The following RASGRP1 variants were observed in gnomAD, a reference collection of about 807,000 sequenced individuals.
The protein encoded by RASGRP1 is RAS guanyl releasing protein 1.
In RASGRP1, 37 loss-of-function variants were observed where a neutral mutation model predicts 95.1. The observed-to-expected ratio is 0.39, with a 90% CI of 0.30 to 0.51. RASGRP1 has a LOEUF of 0.51. Ranked by LOEUF, RASGRP1 falls within the 20% of genes least tolerant of loss-of-function variation. RASGRP1 has a pLI of 0.80. For synonymous variants in RASGRP1, 325 were observed against 353.4 expected, an observed-to-expected ratio of 0.92 and a Z score of 0.90; for missense variants, 711 against 965.4, an observed-to-expected ratio of 0.74 and a Z score of 3.49.
At chr15:38,492,390 G>T (rs758097748) in intron 16 of RASGRP1, among the ~76,000 whole-genome samples, 3 of 152,114 alleles carry the variant, frequency 2.0e-5, no homozygotes, top group Non-Finnish European at 4.4e-5. Flanking sequence ...GTTTCTGGGG[G>T]TCTGACAGGG....
intron 16 of RASGRP1, among the ~76,000 whole-genome samples, chr15:38,491,244 T>C (rs548174906): frequency 8.5e-5 from 13 of 152,344 alleles, no homozygotes; most frequent in African/African-American, 2.6e-4. Context: ...TCCAGTGTTC[T>C]TATGTTATCC....
chr15:38,536,014 C>T (rs937070701), intron 2 of RASGRP1, among the ~76,000 whole-genome samples: 2 of 152,190 alleles, frequency 1.3e-5, no homozygotes, highest in Non-Finnish European at 2.9e-5. Flanking sequence ...CCCGAGCAGA[C>T]CCAGTGAGCT....
intron 11 of RASGRP1, among the ~76,000 whole-genome samples, chr15:38,502,702 T>C (rs148199583): frequency 1.3e-5 from 2 of 152,282 alleles, no homozygotes; most frequent in African/African-American, 4.8e-5. Flanking sequence ...CAGAGGGATG[T>C]TCTCCTTTCA....
At chr15:38,531,337 G>T (rs1444286951) in intron 2 of RASGRP1, among the ~76,000 whole-genome samples, 3 of 152,166 alleles carry the variant, frequency 2.0e-5, no homozygotes, top group African/African-American at 7.2e-5. Flanking sequence ...CATTCGTCAG[G>T]ATAAGGAATT....
intron 11 of RASGRP1, chr15:38,502,791 T>C: frequency 4.1e-6 from 1 of 246,472 alleles, no homozygotes; most frequent in Non-Finnish European, 7.9e-6. Flanking sequence ...TTGGAAGTGC[T>C]CTGTCCCCAC....
intron 15 of RASGRP1, among the ~76,000 whole-genome samples, chr15:38,498,565 A>C (rs936273780): frequency 9.3e-5 from 14 of 150,602 alleles, no homozygotes; most frequent in Admixed American, 2.6e-4. Context: ...GGTGCTCAAT[A>C]AGTACCTGCT....
chr15:38,503,524 G>T (rs1566912560), intron 10 of RASGRP1, 148 bp from the exon 11 acceptor site: 4 of 684,596 alleles, frequency 5.8e-6, no homozygotes, highest in Non-Finnish European at 2.5e-6. Context: ...ACAGGCAATT[G>T]AAATCTCTAC....
At chr15:38,549,416 A>C (rs1327866431) in intron 2 of RASGRP1, among the ~76,000 whole-genome samples, 1 of 152,214 alleles carries the variant, frequency 6.6e-6, no homozygotes, top group Non-Finnish European at 1.5e-5. Context: ...CTTCCTGAAT[A>C]TTGTGGGTTC....
At chr15:38,494,339 C>A (rs1890712809) in intron 16 of RASGRP1, 43 bp downstream of exon 16, 7 of 1,605,460 alleles carry the variant, frequency 4.4e-6, no homozygotes, top group Non-Finnish European at 6.0e-6. Flanking sequence ...GGCCCCACTT[C>A]TCTAAGATAG....
intron 16 of RASGRP1, among the ~76,000 whole-genome samples, chr15:38,492,793 T>A (rs774748109): frequency 3.0e-4 from 46 of 152,122 alleles, no homozygotes; most frequent in Non-Finnish European, 4.9e-4. Flanking sequence ...AGAAGTATAG[T>A]AATGATTGAA....
intron 2 of RASGRP1, among the ~76,000 whole-genome samples, chr15:38,532,548 A>G (rs1360753498): frequency 6.6e-6 from 1 of 152,198 alleles, no homozygotes; most frequent in Non-Finnish European, 1.5e-5. Context: ...TGAGATCACA[A>G]TCAGGGTGGA....
intron 2 of RASGRP1, among the ~76,000 whole-genome samples, chr15:38,547,333 T>C (rs771593439): frequency 2.6e-5 from 4 of 152,284 alleles, no homozygotes; most frequent in African/African-American, 7.2e-5. Flanking sequence ...CCCCCACCTG[T>C]GTGCAGGGCA....
At chr15:38,537,505 C>T (rs1892700596) in intron 2 of RASGRP1, among the ~76,000 whole-genome samples, 1 of 152,136 alleles carries the variant, frequency 6.6e-6, no homozygotes, top group Non-Finnish European at 1.5e-5. Context: ...GGCTCATAGA[C>T]ATTGACCATT....
Position 38,494,454 on chromosome 15 carries a change from A to T in RASGRP1, c.2187T>A (p.Asn729Lys). Reference sequence around the variant, plus strand: ...CCTTTGATTTTATGAGGGAGTCTTTATTCTCCCACTTGACAAAAGCCCGCT... The same window carrying T: ...CCTTTGATTTTATGAGGGAGTCTTTTTTCTCCCACTTGACAAAAGCCCGCT... ...VRKRAFVKWE[N>K]KDSLIKSKEE... The change falls in exon 16 of 17, where the codon AAT becomes AAA. Residue 729 changes from asparagine to lysine, a missense_variant. Physicochemically the swap from Asn to Lys is moderately conservative, Grantham distance 94 (BLOSUM62 0). This residue lies in a region of RASGRP1 where 212 missense variants were observed against 247.8 expected (regional missense o/e 0.86). Transcript: ENST00000310803. The T allele has an allele frequency of 6.2e-7, 1 of 1,612,994 alleles. No homozygotes were observed. The highest frequency in any genetic ancestry group is 2.2e-5 in the East Asian group (1 of 44,832).
chr15:38,496,719 C>T (rs540439276), intron 15 of RASGRP1, among the ~76,000 whole-genome samples: 1 of 152,146 alleles, frequency 6.6e-6, no homozygotes, highest in Admixed American at 6.5e-5. Context: ...TTGAAGTCAG[C>T]CTGTGTTTAG....
chr15:38,563,230 G>A (rs2141204718), intron 1 of RASGRP1, among the ~76,000 whole-genome samples: 1 of 152,256 alleles, frequency 6.6e-6, no homozygotes, highest in African/African-American at 2.4e-5. Context: ...TAGGCAGGTC[G>A]AAGGTGTTTT....
rs377257551 is a variant in RASGRP1, at chr15:38,525,023, A to G, written c.326+1276T>C. ...CACTTCATTGCCCAGGCTGGAGTGC[A>G]GTGGTGTGATCTCAGCTCACTGCAA... is the stretch of plus-strand genomic sequence containing the variant. On this transcript the variant is annotated intron_variant, in intron 3 of 16. Transcript: ENST00000310803. Among the ~76,000 whole-genome samples, 142 of 149,230 alleles carry G rather than the reference A, an allele frequency of 9.5e-4. 1 individual carries two copies. The highest frequency in any genetic ancestry group is 3.3e-3 in the African/African-American group (132 of 40,066).
Position 38,507,979 on chromosome 15 carries a change from A to C in RASGRP1, c.989T>G (p.Leu330Arg). ...GTCGTAGTTTCTGGAGGAGGACAGC[A>C]GCTCAGTCATCTCACCGAGAACCTA... ...INKVLGEMTE[L>R]LSSSRNYDNY... is the part of the protein sequence containing the mutation. The change falls in exon 9 of 17, where the codon CTG (leucine) becomes CGG (arginine). Residue 330 changes from leucine (L) to arginine (R), a missense_variant. Physicochemically the swap from Leu to Arg is moderately radical, Grantham distance 102. Around this residue, in one of 3 missense-constraint regions of RASGRP1, gnomAD observed 491 missense variants for 676.6 expected, o/e 0.73. Transcript: ENST00000310803. 1 of 1,607,034 alleles carries C rather than the reference A, an allele frequency of 6.2e-7. No homozygotes were observed. Among genetic ancestry groups the C allele is most frequent in the Non-Finnish European group, 8.5e-7 (1 of 1,177,192 alleles).
At chr15:38,534,185 C>A (rs562783469) in intron 2 of RASGRP1, 4 of 152,394 alleles carry the variant, frequency 2.6e-5, no homozygotes, top group South Asian at 4.1e-4. Flanking sequence ...AATTCCTCTG[C>A]AGGAGACAAG....
Sources: gnomAD v4.1 joint callset for allele counts (sites outside exome capture counted in the v4.1 genomes callset) on GRCh38, gnomAD v4.1.1 for gene constraint, gnomAD v4.1.1 regional missense constraint, MANE v1.5 for transcripts, NCBI Gene and HGNC (gene_info 2026-07-23, HGNC 2026-07-21) for gene names.